The following TRIM31 variants were observed in gnomAD, a reference collection of about 807,000 sequenced individuals.
The protein encoded by TRIM31 is tripartite motif containing 31.
TRIM31 carries 31 observed loss-of-function variants against 40.6 expected under a neutral mutation model. That is an observed-to-expected ratio of 0.76 (90% CI 0.57 to 1.03). The LOEUF (loss-of-function observed/expected upper bound fraction) is 1.03. Ranked by LOEUF, TRIM31 falls within the 50% of genes least tolerant of loss-of-function variation. The pLI is 0.00. For missense variants in TRIM31, 455 were observed against 497.5 expected (o/e 0.91, Z 0.81); for synonymous variants, 164 against 193.9 (o/e 0.85, Z 1.28).
chr6:30,104,311 A>G (rs977642474), intron 7 of TRIM31, 144 bp from the exon 8 acceptor site: 2 of 804,820 alleles, frequency 2.5e-6, no homozygotes, highest in African/African-American at 3.5e-5. Context: ...GGAAGTGTGG[A>G]AACCTTTCAG....
At chr6:30,112,289 G>A (rs1006029483) in intron 2 of TRIM31, 100 bp downstream of exon 2, 11 of 1,402,858 alleles carry the variant, frequency 7.8e-6, no homozygotes, top group Non-Finnish European at 1.1e-5. Flanking sequence ...AGGGGTGGGG[G>A]CAATGGGGTG....
Position 30,103,761 on chromosome 6 carries a change from A to ATT in TRIM31, c.1051_1052dup (p.Asn351LysfsTer59). ...AGTGGGATGGGGCTGAAGAGTGGTGATTTGGTGGCCCCGATGTAGTTCTGC... is the reference window on the plus strand; with the variant it reads ...AGTGGGATGGGGCTGAAGAGTGGTGATTTTTGGTGGCCCCGATGTAGTTCTGC... On this transcript the variant is annotated frameshift_variant, in exon 9 of 9. Coordinates refer to ENST00000376734, the MANE Select transcript of TRIM31 (RefSeq NM_007028.5). LOFTEE classifies it low-confidence loss of function (END_TRUNC). The ATT allele has an allele frequency of 6.2e-7, 1 of 1,612,960 alleles. No individual in the cohort carries two copies. Among genetic ancestry groups the ATT allele is most frequent in the Non-Finnish European group, 8.5e-7 (1 of 1,180,010 alleles).
rs755255820 is a variant in TRIM31 at position 30,104,164 on chromosome 6, C to G, written c.962G>C (p.Gly321Ala). ...SMNKNDMKSW[G>A]LLQKNNHKMN... ...TTTATGATTATTTTTCTGTAACAAGCCCCCTAAAAATTGGGGAGAGAAAAC... is the reference window on the plus strand; with the variant it reads ...TTTATGATTATTTTTCTGTAACAAGGCCCCTAAAAATTGGGGAGAGAAAAC... The change falls in exon 8 of 9, where the codon GGC becomes GCC. Residue 321 changes from glycine to alanine, a missense_variant. Coordinates refer to ENST00000376734, the MANE Select transcript of TRIM31 (RefSeq NM_007028.5). 3 of 1,612,744 alleles carry G rather than the reference C, an allele frequency of 1.9e-6. No homozygotes were observed. The African/African-American group carries it at 4.0e-5, about 22-fold the overall frequency.
chr6:30,103,481 C>G lies in TRIM31; in HGVS notation c.*55G>C. 3 of 1,604,256 alleles carry G rather than the reference C, an allele frequency of 1.9e-6. No individual in the cohort carries two copies. The South Asian group carries it at 3.3e-5, about 18-fold the overall frequency. ...GGTCTCAGCCACTCACTCAGCGCCA[C>G]TCTATGCTCCGAAGTCCGTGTAGCA... On this transcript the variant is annotated 3_prime_UTR_variant, in exon 9 of 9. Coordinates refer to ENST00000376734, the MANE Select transcript of TRIM31 (RefSeq NM_007028.5).
At chr6:30,107,031 C>T (rs948615729) in intron 6 of TRIM31, among the ~76,000 whole-genome samples, 2 of 152,024 alleles carry the variant, frequency 1.3e-5, no homozygotes, top group Admixed American at 1.3e-4. Context: ...AACCAGAAGG[C>T]GGAGGTTGCA....
chr6:30,110,402 G>A (rs1769172511), intron 4 of TRIM31, 46 bp downstream of exon 4: 1 of 1,586,082 alleles, frequency 6.3e-7, no homozygotes, highest in African/African-American at 1.3e-5. Flanking sequence ...CCTGAGACTA[G>A]GGATGGGCTG....
chr6:30,106,414 C>G (rs1044839591), intron 6 of TRIM31, among the ~76,000 whole-genome samples: 2 of 152,158 alleles, frequency 1.3e-5, no homozygotes, highest in South Asian at 4.1e-4. Flanking sequence ...CACCCTTCTC[C>G]ACGTACGTGT....
Position 30,103,618 on chromosome 6 carries a change from G to T in TRIM31, c.1196C>A (p.Ala399Glu), listed in dbSNP as rs756360360. 1 of 1,613,038 alleles carries T rather than the reference G, an allele frequency of 6.2e-7. No homozygotes were observed. Among genetic ancestry groups the T allele is most frequent in the Non-Finnish European group, 8.5e-7 (1 of 1,180,040 alleles). Reference protein sequence around the residue: ...SSQDTKTFDVALSEELHAALS... With the variant: ...SSQDTKTFDVELSEELHAALS... ...TGCCGCATGGAGCTCCTCGGACAGC[G>T]CAACGTCAAATGTCTTCGTATCCTG... Residue 399 changes from alanine to glutamate, a missense_variant, in exon 9 of 9, where the codon GCG becomes GAG. Physicochemically the swap from Ala to Glu is moderately radical, Grantham distance 107. Coordinates refer to ENST00000376734, the MANE Select transcript of TRIM31 (RefSeq NM_007028.5).
chr6:30,112,859 G>T lies in TRIM31; in HGVS notation c.-54C>A. 6.6e-7 allele frequency: 1 copy of T among 1,522,550 alleles called. No homozygotes were observed. Among genetic ancestry groups the T allele is most frequent in the Admixed American group, 2.1e-5 (1 of 47,346 alleles). The allele number at this position is 1,522,550 out of a possible 1,614,324, so 94.3% of individuals were successfully genotyped here. ...GTAGGAAGCTGTGCCAAGTCTGTAG[G>T]AGCCCCGGAGTCCACTGTGGATACT... On this transcript the variant is annotated 5_prime_UTR_variant, in exon 2 of 9. Transcript: ENST00000376734.
intron 3 of TRIM31, among the ~76,000 whole-genome samples, chr6:30,110,968 T>C (rs1769244694): frequency 6.6e-6 from 1 of 152,050 alleles, no homozygotes; most frequent in African/African-American, 2.4e-5. Flanking sequence ...ATAGATTTTA[T>C]TCCTTTCACG....
At position 30,104,096 on chromosome 6, in the gene TRIM31, T is replaced by A. The variant is rs1344402172; in HGVS notation, c.1024+6A>T. 1 of 1,612,922 alleles carries A rather than the reference T, an allele frequency of 6.2e-7. No homozygotes were observed. Among genetic ancestry groups the A allele is most frequent in the East Asian group, 2.2e-5 (1 of 44,902 alleles). On this transcript the variant is annotated splice_donor_region_variant and intron_variant, in intron 8 of 8. Transcript: ENST00000376734. ...GTCCCTTAGTATTCAGAGACAGGAC[T>A]CTTACCTGCAGAAGATGACCCGGGC...
rs1438124438 is a variant in TRIM31, at chr6:30,103,692, T to G, written c.1122A>C (p.Val374=). Residue 374 remains valine (V), a synonymous_variant, in exon 9 of 9, where the codon GTA becomes GTC. Transcript: ENST00000376734. ...TCTCATCATAAGAGGCCAGGAGACA[T>G]ACTGGAAAAGTGACTTTCCCAGCAG... ...ASSAGKVTFP[V]CLLASYDEIS... 4 of 1,613,020 alleles carry G rather than the reference T, an allele frequency of 2.5e-6. No individual in the cohort carries two copies. The highest frequency in any genetic ancestry group is 3.4e-6 in the Non-Finnish European group (4 of 1,180,008).
At chr6:30,107,951 G>A in intron 6 of TRIM31, 102 bp downstream of exon 6, 2 of 789,948 alleles carry the variant, frequency 2.5e-6, no homozygotes, top group South Asian at 3.3e-5. Context: ...AAGGGCCCAG[G>A]GATTGTTGGC....
intron 3 of TRIM31, 114 bp downstream of exon 3, chr6:30,111,534 G>T: frequency 9.3e-7 from 1 of 1,070,020 alleles, no homozygotes; most frequent in Non-Finnish European, 1.4e-6. Flanking sequence ...AGGCGCCGAG[G>T]AGAGGACATG....
intron 4 of TRIM31, among the ~76,000 whole-genome samples, chr6:30,109,605 G>A (rs1442302574): frequency 6.6e-6 from 1 of 152,128 alleles, no homozygotes; most frequent in African/African-American, 2.4e-5. Context: ...TAGAGGCCAG[G>A]CACGGTGGTT....
intron 8 of TRIM31, 21 bp downstream of exon 8, chr6:30,104,081 A>G: frequency 3.7e-6 from 6 of 1,612,550 alleles, no homozygotes; most frequent in Non-Finnish European, 5.1e-6. Context: ...GTCCCTTAGT[A>G]TTCAGAGACA....
In TRIM31 at chr6:30,103,141, G is replaced by T; in HGVS notation, c.*395C>A. ...ATGGGGTTTGATGGACTGTGACCCAGGCTGGCGTTGCTCCTCTCCGGATTT... is the reference window on the plus strand; with the variant it reads ...ATGGGGTTTGATGGACTGTGACCCATGCTGGCGTTGCTCCTCTCCGGATTT... On this transcript the variant is annotated 3_prime_UTR_variant, in exon 9 of 9. Coordinates refer to ENST00000376734, the MANE Select transcript of TRIM31 (RefSeq NM_007028.5). 1 of 262,252 alleles carries T rather than the reference G, an allele frequency of 3.8e-6. No individual in the cohort carries two copies. Among genetic ancestry groups the T allele is most frequent in the Non-Finnish European group, 7.4e-6 (1 of 135,236 alleles). The allele number at this position is 262,252 out of a possible 1,614,324, so 16.2% of individuals were successfully genotyped here. A position where few individuals can be genotyped will look rare whatever the true frequency, so the allele number is the denominator to read the frequency against.
In TRIM31 at chr6:30,104,160, C is replaced by T; in HGVS notation, c.966G>A (p.Leu322=). Residue 322 remains leucine, a synonymous_variant, in exon 8 of 9, where the codon TTG becomes TTA. Coordinates refer to ENST00000376734, the MANE Select transcript of TRIM31 (RefSeq NM_007028.5). The part of the protein sequence containing the change: ...MNKNDMKSWG[L]LQKNNHKMNK... ...TCATTTTATGATTATTTTTCTGTAA[C>T]AAGCCCCCTAAAAATTGGGGAGAGA... 1 of 1,612,946 alleles carries T rather than the reference C, an allele frequency of 6.2e-7. No individual in the cohort carries two copies. The highest frequency in any genetic ancestry group is 1.3e-5 in the African/African-American group (1 of 74,992).
Position 30,112,890 on chromosome 6 carries a change from T to C in TRIM31, c.-83-2A>G. 1.5e-6 allele frequency: 2 copies of C among 1,379,008 alleles called. No homozygotes were observed. The highest frequency in any genetic ancestry group is 1.9e-6 in the Non-Finnish European group (2 of 1,031,150). 85.4% of individuals were successfully genotyped at this position (1,379,008 alleles called of 1,614,324 possible). A position where few individuals can be genotyped will look rare whatever the true frequency, so the allele number is the denominator to read the frequency against. On this transcript the variant is annotated splice_acceptor_variant, in intron 1 of 8. Transcript: ENST00000376734. LOFTEE classifies it low-confidence loss of function (5UTR_SPLICE). ...CGGAGTCCACTGTGGATACTGTTTC[T>C]AGGAAGGGAGAAGGGAGTCAGAGAA...
Sources: allele counts gnomAD v4.1 joint callset (sites outside exome capture counted in the v4.1 genomes callset), GRCh38; gene constraint gnomAD v4.1.1; transcripts MANE v1.5; gene names NCBI Gene and HGNC (gene_info 2026-07-23, HGNC 2026-07-21).